The following HCN1 variants were observed in gnomAD, a reference collection of about 807,000 sequenced individuals.
HCN1 encodes the protein hyperpolarization activated cyclic nucleotide gated potassium channel 1.
Under a neutral mutation model 78.9 loss-of-function variants are expected in HCN1, and 13 were observed. The ratio of observed to expected loss-of-function variants is 0.16; its 90% confidence interval spans 0.11 to 0.26. The LOEUF (loss-of-function observed/expected upper bound fraction) is 0.26, where lower values mean the gene tolerates loss of function less well. Ranked by LOEUF, HCN1 falls within the 10% of genes least tolerant of loss-of-function variation. HCN1 has a pLI of 1.00. For missense variants in HCN1, 810 were observed against 1,154.3 expected, an observed-to-expected ratio of 0.70 and a Z score of 4.32; for synonymous variants, 552 against 455.5, an observed-to-expected ratio of 1.21 and a Z score of -2.70.
chr5:45,370,632 C>T (rs1279973772), intron 4 of HCN1, among the ~76,000 whole-genome samples: 1 of 151,866 alleles, frequency 6.6e-6, no homozygotes, highest in Admixed American at 6.6e-5. Context: ...ACAATTCTCC[C>T]AAGAGATAAA....
chr5:45,661,380 T>C (rs1320071900), intron 1 of HCN1, among the ~76,000 whole-genome samples: 2 of 150,222 alleles, frequency 1.3e-5, no homozygotes, highest in Non-Finnish European at 3.0e-5. Context: ...CACCCTAACA[T>C]CACAATTAAA....
chr5:45,609,818 G>C (rs956396946), intron 2 of HCN1, among the ~76,000 whole-genome samples: 2 of 152,164 alleles, frequency 1.3e-5, no homozygotes, highest in African/African-American at 4.8e-5. Flanking sequence ...CAAAGAGGAA[G>C]AACCAACTAA....
At chr5:45,374,186 T>G (rs1221954095) in intron 4 of HCN1, among the ~76,000 whole-genome samples, 1 of 106,124 alleles carries the variant, frequency 9.4e-6, no homozygotes, top group Non-Finnish European at 1.9e-5. Flanking sequence ...TATTATATAT[T>G]ATATACATTA....
At chr5:45,532,869 C>T (rs953340548) in intron 2 of HCN1, among the ~76,000 whole-genome samples, 3 of 152,278 alleles carry the variant, frequency 2.0e-5, no homozygotes, top group Non-Finnish European at 4.4e-5. Flanking sequence ...GCAAATGGAA[C>T]TTTGTGAAGA....
rs747975797 is a variant in HCN1, at chr5:45,695,870, TCGCCGCCGCCGCCGCCGC to T, written c.206_223del (p.Gly69_Gly74del). On this transcript the variant is annotated inframe_deletion, in exon 1 of 8. Transcript: ENST00000303230. ...GTCTTCGAAGCCCCCCGCCGGCTCC[TCGCCGCCGCCGCCGCCGC>T]CGCCACCGCCGCCACCGCCGTCCAC... The T allele has an allele frequency of 1.3e-6, 2 of 1,563,354 alleles. No individual in the cohort carries two copies. Among genetic ancestry groups the T allele is most frequent in the East Asian group, 2.3e-5 (1 of 42,736 alleles).
chr5:45,307,447 CAG>C (rs1352754701), intron 5 of HCN1, among the ~76,000 whole-genome samples: 3 of 152,102 alleles, frequency 2.0e-5, no homozygotes, highest in Admixed American at 6.6e-5. Flanking sequence ...CACCTCAAGT[CAG>C]GCAATCAATG....
At chr5:45,293,283 A>G (rs1470944646) in intron 6 of HCN1, among the ~76,000 whole-genome samples, 2 of 152,036 alleles carry the variant, frequency 1.3e-5, no homozygotes, top group Non-Finnish European at 2.9e-5. Flanking sequence ...TTTTAATAAT[A>G]GCCATTCTGA....
At chr5:45,469,502 G>A (rs1232090940) in intron 2 of HCN1, among the ~76,000 whole-genome samples, 2 of 151,860 alleles carry the variant, frequency 1.3e-5, no homozygotes, top group East Asian at 1.9e-4. Flanking sequence ...ATTTAAATGA[G>A]GCGAAAACCA....
At chr5:45,447,306 G>C (rs1448474900) in intron 3 of HCN1, among the ~76,000 whole-genome samples, 1 of 152,146 alleles carries the variant, frequency 6.6e-6, no homozygotes, top group African/African-American at 2.4e-5. Flanking sequence ...GCAGTGGTGT[G>C]ATCTTGGCTC....
At chr5:45,613,217 A>G (rs1744875707) in intron 2 of HCN1, among the ~76,000 whole-genome samples, 2 of 134,874 alleles carry the variant, frequency 1.5e-5, no homozygotes, top group South Asian at 4.6e-4. Flanking sequence ...ATGTGATCTC[A>G]TTGTTCAATT....
intron 5 of HCN1, 73 bp from the exon 6 acceptor site, chr5:45,303,912 T>A: frequency 7.8e-7 from 1 of 1,289,698 alleles, no homozygotes; most frequent in Non-Finnish European, 1.1e-6. Flanking sequence ...TGCTGAAATT[T>A]AAAATATATA....
chr5:45,665,732 G>A (rs1429115961), intron 1 of HCN1, among the ~76,000 whole-genome samples: 1 of 151,922 alleles, frequency 6.6e-6, no homozygotes, highest in Non-Finnish European at 1.5e-5. Flanking sequence ...AAACCCATAT[G>A]GTGTCACATA....
intron 5 of HCN1, among the ~76,000 whole-genome samples, chr5:45,321,165 T>C (rs1417099603): frequency 1.3e-5 from 2 of 151,790 alleles, no homozygotes; most frequent in Non-Finnish European, 2.9e-5. Context: ...TGGATCTCCC[T>C]ACACAGCCCC....
At position 45,657,927 on chromosome 5, in the gene HCN1, C is replaced by T. The variant is rs563969864; in HGVS notation, c.426-12319G>A. 6.1e-4 allele frequency among the ~76,000 whole-genome samples: 93 copies of T among 152,172 alleles called. 1 individual carries two copies. Among genetic ancestry groups the T allele is most frequent in the Admixed American group, 1.0e-3 (16 of 15,276 alleles). On this transcript the variant is annotated intron_variant, in intron 1 of 7. Coordinates refer to ENST00000303230, the MANE Select transcript of HCN1 (RefSeq NM_021072.4). Reference sequence around the variant, plus strand: ...TATGGAACCAAAAAAGAGCCTGCATCGCCAAGTCAATCCTAAGCCAAAAGA... The same window carrying T: ...TATGGAACCAAAAAAGAGCCTGCATTGCCAAGTCAATCCTAAGCCAAAAGA...
intron 2 of HCN1, among the ~76,000 whole-genome samples, chr5:45,495,886 T>A (rs1742015743): frequency 6.6e-6 from 1 of 152,258 alleles, no homozygotes; most frequent in Non-Finnish European, 1.5e-5. Flanking sequence ...TGGTTCTGTT[T>A]ATATGCTGGA....
chr5:45,275,636 T>C (rs1412248820), intron 6 of HCN1, among the ~76,000 whole-genome samples: 1 of 152,142 alleles, frequency 6.6e-6, no homozygotes, highest in Admixed American at 6.6e-5. Context: ...AGAATATATA[T>C]TTGTACTACT....
chr5:45,479,496 G>C (rs752625940), intron 2 of HCN1, among the ~76,000 whole-genome samples: 3 of 152,184 alleles, frequency 2.0e-5, no homozygotes, highest in Non-Finnish European at 2.9e-5. Flanking sequence ...TGTTGGAATA[G>C]TTCAAGCTTC....
At chr5:45,681,469 A>T (rs1215523393) in intron 1 of HCN1, among the ~76,000 whole-genome samples, 1 of 151,998 alleles carries the variant, frequency 6.6e-6, no homozygotes, top group Non-Finnish European at 1.5e-5. Flanking sequence ...TATATTTTCT[A>T]TTTACACAAG....
At chr5:45,650,512 C>G (rs999891168) in intron 1 of HCN1, among the ~76,000 whole-genome samples, 4 of 152,000 alleles carry the variant, frequency 2.6e-5, no homozygotes, top group Non-Finnish European at 5.9e-5. Context: ...AGAGAGGACA[C>G]TCACTGGAAA....
Sources: gnomAD v4.1 joint callset for allele counts (sites outside exome capture counted in the v4.1 genomes callset) on GRCh38, gnomAD v4.1.1 for gene constraint, MANE v1.5 for transcripts, NCBI Gene and HGNC (gene_info 2026-07-23, HGNC 2026-07-21) for gene names.